The following TAFA4 variants were observed in gnomAD, a reference collection of about 807,000 sequenced individuals.
TAFA4 encodes the protein TAFA chemokine like family member 4.
In TAFA4, 20 loss-of-function variants were observed where a neutral mutation model predicts 21.1. That is an observed-to-expected ratio of 0.95 (90% CI 0.67 to 1.38). TAFA4 has a LOEUF of 1.38. Among genes scored for constraint, TAFA4 ranks in the 40% most tolerant of loss-of-function variants. The pLI is 0.00. For synonymous variants in TAFA4, 71 were observed against 67.4 expected (o/e 1.05, Z -0.26); for missense variants, 211 against 180.9 (o/e 1.17, Z -0.95).
At chr3:68,864,596 T>C (rs2089392697) in intron 3 of TAFA4, among the ~76,000 whole-genome samples, 1 of 152,086 alleles carries the variant, frequency 6.6e-6, no homozygotes, top group Admixed American at 6.6e-5. Context: ...CCAAGGTAGT[T>C]ACCAAAGAAA....
chr3:68,734,708 C>T (rs1374034593), intron 5 of TAFA4, among the ~76,000 whole-genome samples: 1 of 152,062 alleles, frequency 6.6e-6, no homozygotes, highest in African/African-American at 2.4e-5. Flanking sequence ...TTAGTTTCTT[C>T]ATCTGCAAAA....
In TAFA4 at chr3:68,928,844, G is replaced by A. The variant is rs2090133557; in HGVS notation, c.-123+3396C>T. On this transcript the variant is annotated intron_variant, in intron 1 of 5. Transcript: ENST00000295569. ...TTAGGACTCCGGGATTCTAATCCCA[G>A]GTTTTTTAAATAACATAATAGATCC... Among the ~76,000 whole-genome samples, 3 of 152,026 alleles carry A rather than the reference G, an allele frequency of 2.0e-5. No individual in the cohort carries two copies. In the South Asian group the frequency reaches 6.2e-4, roughly 32 times the overall value.
chr3:68,799,080 G>A (rs1229502570), intron 3 of TAFA4, among the ~76,000 whole-genome samples: 2 of 152,130 alleles, frequency 1.3e-5, no homozygotes, highest in African/African-American at 4.8e-5. Flanking sequence ...CAAAGCATCA[G>A]GAGTTTGTGG....
rs1329528953 is a variant in TAFA4, at chr3:68,733,021, T to C, written c.*121A>G. 3.0e-6 allele frequency: 4 copies of C among 1,338,324 alleles called. No homozygotes were observed. Among genetic ancestry groups the C allele is most frequent in the African/African-American group, 1.5e-5 (1 of 68,730 alleles). 82.9% of individuals were successfully genotyped at this position (1,338,324 alleles called of 1,614,324 possible). A position where few individuals can be genotyped will look rare whatever the true frequency, so the allele number is the denominator to read the frequency against. On this transcript the variant is annotated 3_prime_UTR_variant, in exon 6 of 6. Coordinates refer to ENST00000295569, the MANE Select transcript of TAFA4 (RefSeq NM_182522.5). ...AATGCCACCTCTCACAGCTCACATA[T>C]ACAAATATGAAGTTGCTGAAATCCT...
chr3:68,917,753 C>CAAAAAAAAAAAAAAAAAAAA (rs55853026), intron 1 of TAFA4, among the ~76,000 whole-genome samples: 2 of 58,188 alleles, frequency 3.4e-5, no homozygotes, highest in African/African-American at 6.4e-5. Flanking sequence ...GACTCTGTCT[C>CAAAAAAAAAAAAAAAAAAAA]AAAAAAAAAA....
At chr3:68,770,902 C>T (rs998119256) in intron 3 of TAFA4, among the ~76,000 whole-genome samples, 4 of 152,156 alleles carry the variant, frequency 2.6e-5, no homozygotes, top group African/African-American at 7.2e-5. Flanking sequence ...TGCCATACTC[C>T]CATCCTGTTC....
chr3:68,751,877 C>T (rs906277382), intron 4 of TAFA4, among the ~76,000 whole-genome samples: 4 of 152,208 alleles, frequency 2.6e-5, no homozygotes, highest in African/African-American at 9.7e-5. Context: ...TTCAGCAACA[C>T]ATTTGGCCCC....
intron 3 of TAFA4, among the ~76,000 whole-genome samples, chr3:68,877,974 T>C (rs1329555208): frequency 6.6e-6 from 1 of 152,182 alleles, no homozygotes; most frequent in African/African-American, 2.4e-5. Flanking sequence ...TTACAGATGA[T>C]AAAACAGGTT....
intron 3 of TAFA4, among the ~76,000 whole-genome samples, chr3:68,777,277 C>T (rs769487997): frequency 5.9e-5 from 9 of 152,030 alleles, no homozygotes; most frequent in South Asian, 2.1e-4. Context: ...ATACATAAGG[C>T]AGTATATTAT....
intron 3 of TAFA4, among the ~76,000 whole-genome samples, chr3:68,814,202 C>T (rs950115278): frequency 3.3e-5 from 5 of 152,044 alleles, no homozygotes; most frequent in African/African-American, 1.2e-4. Flanking sequence ...AAACCCACAG[C>T]CAATATCATA....
At chr3:68,846,309 C>CT (rs1704792674) in intron 3 of TAFA4, among the ~76,000 whole-genome samples, 1 of 151,750 alleles carries the variant, frequency 6.6e-6, no homozygotes, top group African/African-American at 2.4e-5. Context: ...ATTGATTCAG[C>CT]TATTGATACT....
intron 3 of TAFA4, among the ~76,000 whole-genome samples, chr3:68,795,627 C>T (rs1232640967): frequency 1.3e-5 from 2 of 152,116 alleles, no homozygotes; most frequent in African/African-American, 4.8e-5. Context: ...ATCTTGCCAC[C>T]ACATGGAACC....
chr3:68,736,969 G>T (rs533162915), intron 5 of TAFA4, among the ~76,000 whole-genome samples: 38 of 152,074 alleles, frequency 2.5e-4, no homozygotes, highest in Non-Finnish European at 4.6e-4. Flanking sequence ...TACCATTGAG[G>T]ATTTAGCTAC....
At chr3:68,878,811 C>T (rs937332848) in intron 3 of TAFA4, among the ~76,000 whole-genome samples, 8 of 151,898 alleles carry the variant, frequency 5.3e-5, no homozygotes, top group African/African-American at 1.9e-4. Context: ...TGTATTAATG[C>T]CATTTGTCTT....
intron 1 of TAFA4, among the ~76,000 whole-genome samples, chr3:68,906,960 G>T (rs2106995932): frequency 6.7e-6 from 1 of 149,106 alleles, no homozygotes; most frequent in Non-Finnish European, 1.5e-5. Context: ...GAGCCCGGGA[G>T]GTGGAGGCTG....
At chr3:68,899,410 T>TC (rs2089823111) in intron 1 of TAFA4, among the ~76,000 whole-genome samples, 1 of 152,140 alleles carries the variant, frequency 6.6e-6, no homozygotes, top group South Asian at 2.1e-4. Flanking sequence ...TTTTTTTTTT[T>TC]CTTCATTTCA....
rs550600686 is a variant in TAFA4, at chr3:68,796,433, T to A, written c.131-43415A>T. Among the ~76,000 whole-genome samples the A allele has an allele frequency of 3.3e-5, 5 of 152,286 alleles. No homozygotes were observed. The East Asian group carries it at 9.7e-4, about 29-fold the overall frequency. On this transcript the variant is annotated intron_variant, in intron 3 of 5. Coordinates refer to ENST00000295569, the MANE Select transcript of TAFA4 (RefSeq NM_182522.5). ...TGCAACTATAAATATACTGGAATTA[T>A]ACATTCCAAAAGAATGTGGCAGGGT... is the stretch of plus-strand genomic sequence containing the variant.
chr3:68,735,195 G>GGAAGTGAAGGA, intron 5 of TAFA4, among the ~76,000 whole-genome samples: 1 of 152,046 alleles, frequency 6.6e-6, no homozygotes, highest in South Asian at 2.1e-4. Flanking sequence ...TTTTAGAAGG[G>GGAAGTGAAGGA]CAAGTGGAAA....
intron 3 of TAFA4, among the ~76,000 whole-genome samples, chr3:68,847,675 C>A (rs1490721035): frequency 6.6e-6 from 1 of 152,182 alleles, no homozygotes; most frequent in African/African-American, 2.4e-5. Context: ...TTGAGAAGAC[C>A]ATGGGAAAAG....
Sources: allele counts gnomAD v4.1 joint callset (sites outside exome capture counted in the v4.1 genomes callset), GRCh38; gene constraint gnomAD v4.1.1; transcripts MANE v1.5; gene names NCBI Gene and HGNC (gene_info 2026-07-23, HGNC 2026-07-21).